Variants in CLPTM1L observed in about 807,000 individuals in gnomAD.
CLPTM1L encodes the protein CLPTM1 like.
Under a neutral mutation model 70.9 loss-of-function variants are expected in CLPTM1L, and 38 were observed. The observed-to-expected ratio is 0.54, with a 90% CI of 0.41 to 0.70. CLPTM1L has a LOEUF of 0.70. Ranked by LOEUF, CLPTM1L falls within the 30% of genes least tolerant of loss-of-function variation. The pLI is 0.00. For missense variants in CLPTM1L, 652 were observed against 705.9 expected (o/e 0.92, Z 0.87); for synonymous variants, 339 against 299.9 (o/e 1.13, Z -1.35).
chr5:1,335,734 G>C (rs910741456), intron 5 of CLPTM1L, among the ~76,000 whole-genome samples: 2 of 152,094 alleles, frequency 1.3e-5, no homozygotes, highest in African/African-American at 4.8e-5. Context: ...AGAACCACGA[G>C]CTTAGTCCTG....
At chr5:1,324,528 T>C (rs920306978) in intron 11 of CLPTM1L, among the ~76,000 whole-genome samples, 16 of 152,164 alleles carry the variant, frequency 1.1e-4, no homozygotes, top group African/African-American at 3.9e-4. Flanking sequence ...ATCCCTACTA[T>C]ACGGTGACAC....
chr5:1,333,594 G>A (rs1016246328), intron 7 of CLPTM1L, among the ~76,000 whole-genome samples: 2 of 123,410 alleles, frequency 1.6e-5, no homozygotes, highest in Admixed American at 1.8e-4. Context: ...GTATACACAC[G>A]GGATGAGGAT....
In CLPTM1L at chr5:1,344,551, G is replaced by A. The variant is rs935930536; in HGVS notation, c.163-100C>T. The stretch of plus-strand genomic sequence containing the variant: ...GAGGGCGGAAGACCTGGCCGCTGGG[G>A]AACCAGGAAAGGTTCCATCTCGACT... On this transcript the variant is annotated intron_variant, in intron 1 of 16. Transcript: ENST00000320895. 3.4e-6 allele frequency: 5 copies of A among 1,459,642 alleles called. No homozygotes were observed. In the African/African-American group the frequency reaches 5.6e-5, roughly 16 times the overall value. The allele number at this position is 1,459,642 out of a possible 1,614,324, so 90.4% of individuals were successfully genotyped here.
At chr5:1,325,480 G>A in intron 10 of CLPTM1L, 1 of 516,920 alleles carries the variant, frequency 1.9e-6, no homozygotes, top group Non-Finnish European at 3.4e-6. Context: ...ACACGTGCTG[G>A]CCAGCCAGCA....
rs1218525467 is a variant in CLPTM1L at position 1,338,897 on chromosome 5, A to T, written c.562T>A (p.Ser188Thr). The change falls in exon 4 of 17, where the codon TCC becomes ACC. Residue 188 changes from serine (S) to threonine (T), a missense_variant. Around this residue, in one of 3 missense-constraint regions of CLPTM1L, gnomAD observed 402 missense variants for 388.2 expected, o/e 1.04. Coordinates refer to ENST00000320895, the MANE Select transcript of CLPTM1L (RefSeq NM_030782.5). ...CGATGCACATCGGCAGGCAGGGAGG[A>T]CCCGTCAAAGACAAAGTTGTCCGCC... ...VMADNFVFDGSSLPADVHRYM... is the reference protein window; with the variant it reads ...VMADNFVFDGTSLPADVHRYM... The T allele has an allele frequency of 1.2e-6, 2 of 1,613,162 alleles. No individual in the cohort carries two copies. The highest frequency in any genetic ancestry group is 1.7e-6 in the Non-Finnish European group (2 of 1,180,044).
chr5:1,344,946 C>T lies in CLPTM1L; in HGVS notation c.-105G>A. The T allele has an allele frequency of 1.6e-6, 1 of 617,532 alleles. No individual in the cohort carries two copies. Among genetic ancestry groups the T allele is most frequent in the Non-Finnish European group, 2.0e-6 (1 of 495,358 alleles). 38.3% of individuals were successfully genotyped at this position (617,532 alleles called of 1,614,324 possible). A position where few individuals can be genotyped will look rare whatever the true frequency, so the allele number is the denominator to read the frequency against. ...CCGGGCTCCGCCGCTCACTGGAGAG[C>T]CGCCGCGCGCCACCGCCACCGCCGC... On this transcript the variant is annotated 5_prime_UTR_variant, in exon 1 of 17. Transcript: ENST00000320895.
At chr5:1,338,324 G>A (rs962541601) in intron 4 of CLPTM1L, 4 of 358,630 alleles carry the variant, frequency 1.1e-5, no homozygotes, top group African/African-American at 2.1e-5. Flanking sequence ...GCACTGACAC[G>A]GAGCAATCCC....
chr5:1,344,513 C>G, intron 1 of CLPTM1L, 62 bp from the exon 2 acceptor site: 1 of 1,526,806 alleles, frequency 6.5e-7, no homozygotes, highest in South Asian at 1.1e-5. Flanking sequence ...CACTCAAATC[C>G]CACGGCCAGC....
At chr5:1,337,414 G>C (rs753210762) in intron 5 of CLPTM1L, among the ~76,000 whole-genome samples, 4 of 152,238 alleles carry the variant, frequency 2.6e-5, no homozygotes, top group Admixed American at 6.5e-5. Flanking sequence ...TATTCGCAAA[G>C]GCCTTCCGCC....
chr5:1,341,799 A>C lies in CLPTM1L; in HGVS notation c.325T>G (p.Phe109Val). 6.2e-7 allele frequency: 1 copy of C among 1,614,090 alleles called. No homozygotes were observed. The highest frequency in any genetic ancestry group is 1.1e-5 in the South Asian group (1 of 91,086). ...RNNGTLYAYIFLHHAGVLPWH... is the reference protein window; with the variant it reads ...RNNGTLYAYIVLHHAGVLPWH... ...GGCAGGACCCCAGCGTGATGGAGGA[A>C]GATGTAGGCATACAGCGTCCCATTG... Residue 109 changes from phenylalanine (F) to valine (V), a missense_variant, in exon 3 of 17, where the codon TTC becomes GTC. Around this residue, in one of 3 missense-constraint regions of CLPTM1L, gnomAD observed 402 missense variants for 388.2 expected, o/e 1.04. Transcript: ENST00000320895.
chr5:1,336,270 T>G (rs926554657), intron 5 of CLPTM1L, among the ~76,000 whole-genome samples: 1 of 152,132 alleles, frequency 6.6e-6, no homozygotes, highest in Non-Finnish European at 1.5e-5. Flanking sequence ...CTGCTTCCTC[T>G]CTCAAGACAG....
chr5:1,339,071 G>C (rs1056658707), intron 3 of CLPTM1L, 66 bp from the exon 4 acceptor site: 1 of 1,558,384 alleles, frequency 6.4e-7, no homozygotes, highest in African/African-American at 1.4e-5. Context: ...AGCAGGGTCA[G>C]CCCCCTAACC....
rs538747099 is a variant in CLPTM1L, at chr5:1,332,861, C to T, written c.892-978G>A. ...ACGTTATTTGATACACATATTCAGA[C>T]ATCCAATGAGGGTCTTTGAACACAC... is the stretch of plus-strand genomic sequence containing the variant. On this transcript the variant is annotated intron_variant, in intron 7 of 16. Transcript: ENST00000320895. Among the ~76,000 whole-genome samples the T allele has an allele frequency of 4.2e-4, 64 of 152,378 alleles. 1 individual carries two copies. The highest frequency in any genetic ancestry group is 5.9e-4 in the Admixed American group (9 of 15,302).
chr5:1,330,411 G>T (rs1430792285), intron 8 of CLPTM1L, 28 bp from the exon 9 acceptor site: 3 of 1,590,576 alleles, frequency 1.9e-6, no homozygotes, highest in Admixed American at 1.7e-5. Context: ...GGGCTGGGAG[G>T]GGGTGCAGGG....
At chr5:1,336,033 G>C (rs902271139) in intron 5 of CLPTM1L, among the ~76,000 whole-genome samples, 12 of 152,256 alleles carry the variant, frequency 7.9e-5, no homozygotes, top group Admixed American at 6.5e-5. Context: ...GCTGGTGTCA[G>C]GGTGTGGTGG....
chr5:1,319,992 C>T (rs1343565937), intron 16 of CLPTM1L, among the ~76,000 whole-genome samples: 14 of 152,148 alleles, frequency 9.2e-5, no homozygotes. Flanking sequence ...AAGCGGGAGG[C>T]CCAGGGTGGG....
Position 1,344,615 on chromosome 5 carries a change from G to A in CLPTM1L, c.162+65C>T, listed in dbSNP as rs375894946. 1.1e-3 allele frequency: 1,652 copies of A among 1,513,286 alleles called. 28 individuals are homozygous for A. In the South Asian group the frequency reaches 0.018, roughly 16 times the overall value. The allele number at this position is 1,513,286 out of a possible 1,614,324, so 93.7% of individuals were successfully genotyped here. A position where few individuals can be genotyped will look rare whatever the true frequency, so the allele number is the denominator to read the frequency against. On this transcript the variant is annotated intron_variant, in intron 1 of 16. Coordinates refer to ENST00000320895, the MANE Select transcript of CLPTM1L (RefSeq NM_030782.5). The stretch of plus-strand genomic sequence containing the variant: ...CTCCGAACTGGGACGGGAAGGCGAC[G>A]TCTGGGGCCTGGAGGAGAGGCCCCC...
intron 9 of CLPTM1L, among the ~76,000 whole-genome samples, chr5:1,329,432 G>A (rs2111223133): frequency 6.6e-6 from 1 of 151,290 alleles, no homozygotes; most frequent in Non-Finnish European, 1.5e-5. Context: ...CTGCTTGGTG[G>A]ACAGGGCCTC....
intron 2 of CLPTM1L, among the ~76,000 whole-genome samples, chr5:1,343,773 G>A (rs1018048126): frequency 6.6e-6 from 1 of 152,086 alleles, no homozygotes. Context: ...ATACCTCCCA[G>A]GCAATGAAGG....
Sources: gnomAD v4.1 joint callset for allele counts (sites outside exome capture counted in the v4.1 genomes callset) on GRCh38, gnomAD v4.1.1 for gene constraint, gnomAD v4.1.1 regional missense constraint, MANE v1.5 for transcripts, NCBI Gene and HGNC (gene_info 2026-07-23, HGNC 2026-07-21) for gene names.